ADAMTSL3: variants seen among roughly 807,000 people sequenced by gnomAD.
ADAMTSL3 encodes the protein ADAMTS like 3, also known as ADAMTS-like protein 3.
ADAMTSL3 carries 128 observed loss-of-function variants against 201.7 expected under a neutral mutation model. The ratio of observed to expected loss-of-function variants is 0.63; its 90% CI spans 0.55 to 0.73. ADAMTSL3 has a LOEUF of 0.73. Among genes scored for constraint, ADAMTSL3 ranks in the 30% least tolerant of loss-of-function variants. The pLI is 0.00. For missense variants in ADAMTSL3, 1,990 were observed against 2,119.6 expected (o/e 0.94, Z 1.20); for synonymous variants, 738 against 748.4 (o/e 0.99, Z 0.23).
intron 26 of ADAMTSL3, among the ~76,000 whole-genome samples, chr15:84,023,110 G>A (rs559097839): frequency 6.6e-6 from 1 of 152,186 alleles, no homozygotes; most frequent in South Asian, 2.1e-4. Context: ...TAAATCCACA[G>A]GTATTTTGCT....
chr15:83,667,172 T>G (rs986838917), intron 2 of ADAMTSL3, among the ~76,000 whole-genome samples: 2 of 152,138 alleles, frequency 1.3e-5, no homozygotes, highest in African/African-American at 4.8e-5. Context: ...ATATTTCTTT[T>G]TAAATATTTA....
rs140153040 is a variant in ADAMTSL3, at chr15:83,834,723, G to A, written c.601-3366G>A. 1.3e-4 allele frequency among the ~76,000 whole-genome samples: 20 copies of A among 152,260 alleles called. No homozygotes were observed. In the East Asian group the frequency reaches 3.3e-3, roughly 25 times the overall value. On this transcript the variant is annotated intron_variant, in intron 6 of 29. Coordinates refer to ENST00000286744, the MANE Select transcript of ADAMTSL3 (RefSeq NM_207517.3). Reference sequence around the variant, plus strand: ...TTGTTTATGTCATCCACTATCTTGTGTAACTTGTCTCATTAACTACACTGT... The same window carrying A: ...TTGTTTATGTCATCCACTATCTTGTATAACTTGTCTCATTAACTACACTGT...
At chr15:83,959,795 C>T (rs1415308336) in intron 19 of ADAMTSL3, among the ~76,000 whole-genome samples, 1 of 152,222 alleles carries the variant, frequency 6.6e-6, no homozygotes, top group Non-Finnish European at 1.5e-5. Flanking sequence ...GACATCTCCT[C>T]TCTCTGTGAG....
intron 4 of ADAMTSL3, among the ~76,000 whole-genome samples, chr15:83,798,892 G>A (rs1449046530): frequency 2.6e-5 from 4 of 151,260 alleles, no homozygotes; most frequent in African/African-American, 9.7e-5. Context: ...AAGCATGGTA[G>A]CAGGTTCTTT....
chr15:83,657,860 C>G (rs183471356), intron 2 of ADAMTSL3, among the ~76,000 whole-genome samples: 154 of 152,270 alleles, frequency 1.0e-3, no homozygotes, highest in African/African-American at 3.7e-3. Context: ...GTAGGTCAGC[C>G]CTGTGTCCCT....
At position 83,886,092 on chromosome 15, in the gene ADAMTSL3, C is replaced by A. The variant is rs148473666; in HGVS notation, c.1072+880C>A. Among the ~76,000 whole-genome samples, 531 of 152,254 alleles carry A rather than the reference C, an allele frequency of 3.5e-3. 1 individual carries two copies. The highest frequency in any genetic ancestry group is 6.4e-3 in the Non-Finnish European group (433 of 68,018). On this transcript the variant is annotated intron_variant, in intron 10 of 29. Transcript: ENST00000286744. The stretch of plus-strand genomic sequence containing the variant: ...AGTGTAATCCAGGGCTCCACACACA[C>A]GCTACAAAAGCAGCATCTTTCATGC...
chr15:83,744,494 G>A (rs1480522282), intron 3 of ADAMTSL3, among the ~76,000 whole-genome samples: 1 of 152,122 alleles, frequency 6.6e-6, no homozygotes, highest in East Asian at 1.9e-4. Context: ...GGCAAAAATT[G>A]TATATATTCA....
chr15:83,876,873 A>C (rs1263398610), intron 9 of ADAMTSL3, among the ~76,000 whole-genome samples: 1 of 151,940 alleles, frequency 6.6e-6, no homozygotes, highest in East Asian at 1.9e-4. Flanking sequence ...CCTCACTGCA[A>C]CCTCCACCTC....
At chr15:83,906,290 C>T (rs921509241) in intron 15 of ADAMTSL3, among the ~76,000 whole-genome samples, 5 of 152,202 alleles carry the variant, frequency 3.3e-5, no homozygotes, top group East Asian at 1.9e-4. Context: ...TTGCTTCAGC[C>T]GTTTGGCTCA....
chr15:83,687,199 A>G (rs935884406), intron 2 of ADAMTSL3, among the ~76,000 whole-genome samples: 2 of 152,188 alleles, frequency 1.3e-5, no homozygotes, highest in Non-Finnish European at 2.9e-5. Flanking sequence ...GTGAAACTCT[A>G]TCTCTAAAAT....
intron 8 of ADAMTSL3, among the ~76,000 whole-genome samples, chr15:83,860,332 C>T (rs7167818): frequency 0.85 from 129,508 of 152,248 alleles, 55,152 homozygotes; most frequent in East Asian, 0.94. Context: ...TGAATATGGC[C>T]GATCAGAACA....
In ADAMTSL3 at chr15:83,867,890, C is replaced by A. The variant is rs1358321856; in HGVS notation, c.803-2912C>A. ...ATTCATCATTTTCTAGGCATAATTTCTTTTACAAATAACTAGTAGTGGATT... is the reference window on the plus strand; with the variant it reads ...ATTCATCATTTTCTAGGCATAATTTATTTTACAAATAACTAGTAGTGGATT... On this transcript the variant is annotated intron_variant, in intron 8 of 29. Transcript: ENST00000286744. Among the ~76,000 whole-genome samples, 3 of 152,146 alleles carry A rather than the reference C, an allele frequency of 2.0e-5. No homozygotes were observed. The South Asian group carries it at 6.2e-4, about 32-fold the overall frequency.
At chr15:83,657,187 C>T (rs947893154) in intron 2 of ADAMTSL3, among the ~76,000 whole-genome samples, 1 of 151,180 alleles carries the variant, frequency 6.6e-6, no homozygotes, top group Non-Finnish European at 1.5e-5. Flanking sequence ...GAGATTTGTT[C>T]CTGGTCAAAT....
chr15:83,696,612 T>C (rs1002358885), intron 2 of ADAMTSL3, among the ~76,000 whole-genome samples: 1 of 152,138 alleles, frequency 6.6e-6, no homozygotes, highest in African/African-American at 2.4e-5. Context: ...ATTTGAAGCG[T>C]CTGAGAGTGT....
At chr15:83,941,985 G>A (rs2066570196) in intron 17 of ADAMTSL3, among the ~76,000 whole-genome samples, 2 of 152,182 alleles carry the variant, frequency 1.3e-5, no homozygotes, top group African/African-American at 4.8e-5. Flanking sequence ...AAATGCTTCT[G>A]GTGGGAGTGT....
At chr15:83,749,329 C>T (rs904581748) in intron 3 of ADAMTSL3, among the ~76,000 whole-genome samples, 2 of 152,180 alleles carry the variant, frequency 1.3e-5, no homozygotes, top group Non-Finnish European at 2.9e-5. Flanking sequence ...CTAAGTCAAC[C>T]ACCGAAAAGA....
chr15:83,870,707 G>T, intron 8 of ADAMTSL3, 95 bp from the exon 9 acceptor site: 4 of 1,013,718 alleles, frequency 3.9e-6, no homozygotes, highest in South Asian at 3.8e-5. Context: ...ACATTGTTTT[G>T]ATATCATATA....
At chr15:83,884,891 G>A (rs947959726) in intron 9 of ADAMTSL3, among the ~76,000 whole-genome samples, 2 of 152,164 alleles carry the variant, frequency 1.3e-5, no homozygotes, top group East Asian at 1.9e-4. Context: ...TGACTCCAGG[G>A]AGATTTGCAG....
intron 6 of ADAMTSL3, among the ~76,000 whole-genome samples, chr15:83,835,256 G>T (rs920808514): frequency 6.5e-4 from 92 of 141,866 alleles, no homozygotes; most frequent in African/African-American, 2.3e-3. Flanking sequence ...AAAAAAAGTT[G>T]CTTATTGTTG....
Sources: gnomAD v4.1 joint callset for allele counts (sites outside exome capture counted in the v4.1 genomes callset) on GRCh38, gnomAD v4.1.1 for gene constraint, MANE v1.5 for transcripts, NCBI Gene and HGNC (gene_info 2026-07-23, HGNC 2026-07-21) for gene names.